Variants in EYA1 observed in about 807,000 individuals in gnomAD.
EYA1 encodes EYA transcriptional coactivator and phosphatase 1.
In EYA1, 16 loss-of-function variants were observed where a neutral mutation model predicts 82.0. That is an observed-to-expected ratio of 0.20 (90% CI 0.13 to 0.30). The LOEUF (loss-of-function observed/expected upper bound fraction) is 0.30, where lower values mean the gene tolerates loss of function less well. EYA1 is among the 10% of genes least tolerant of loss of function. The pLI is 1.00. For missense variants in EYA1, 633 were observed against 730.7 expected, an observed-to-expected ratio of 0.87 and a Z score of 1.54; for synonymous variants, 261 against 264.4, an observed-to-expected ratio of 0.99 and a Z score of 0.12.
chr8:71,391,063 T>G (rs1829252251), intron 2 of EYA1, among the ~76,000 whole-genome samples: 1 of 152,186 alleles, frequency 6.6e-6, no homozygotes, highest in African/African-American at 2.4e-5. Flanking sequence ...AACCTCCACC[T>G]TCCGGGTTCA....
Position 71,214,593 on chromosome 8 carries a change from A to G in EYA1, c.1597+794T>C, listed in dbSNP as rs187586758. Among the ~76,000 whole-genome samples the G allele has an allele frequency of 2.8e-3, 419 of 152,352 alleles. 2 individuals carry two copies. Among genetic ancestry groups the G allele is most frequent in the Admixed American group, 5.8e-3 (89 of 15,300 alleles). ...GTCTGGACCTTGGAATCAGAGAAACATGAGGCTTGAGCCTTGTGTTTGTGA... is the reference window on the plus strand; with the variant it reads ...GTCTGGACCTTGGAATCAGAGAAACGTGAGGCTTGAGCCTTGTGTTTGTGA... On this transcript the variant is annotated intron_variant, in intron 16 of 17. Transcript: ENST00000340726.
chr8:71,420,643 T>C (rs1284117379), intron 2 of EYA1, among the ~76,000 whole-genome samples: 1 of 152,198 alleles, frequency 6.6e-6, no homozygotes, highest in African/African-American at 2.4e-5. Flanking sequence ...AAAAAATTGA[T>C]AGCTGAGTCA....
chr8:71,507,324 T>C (rs1251184110), intron 2 of EYA1, among the ~76,000 whole-genome samples: 1 of 152,200 alleles, frequency 6.6e-6, no homozygotes, highest in Non-Finnish European at 1.5e-5. Context: ...CCACTATGAA[T>C]ACTTCCTTTT....
At chr8:71,526,377 G>A (rs903701133) in intron 2 of EYA1, among the ~76,000 whole-genome samples, 3 of 151,966 alleles carry the variant, frequency 2.0e-5, no homozygotes, top group Non-Finnish European at 4.4e-5. Flanking sequence ...AATTTTAATG[G>A]AAAAATAGGT....
chr8:71,274,592 AATG>A (rs1429081673), intron 9 of EYA1, among the ~76,000 whole-genome samples: 16 of 152,298 alleles, frequency 1.1e-4, no homozygotes, highest in African/African-American at 3.4e-4. Context: ...CATGAAATAT[AATG>A]ATGTAGCAAA....
chr8:71,208,042 G>GGAAACCCTCTAAAGA (rs1808036383), intron 17 of EYA1, among the ~76,000 whole-genome samples: 1 of 152,068 alleles, frequency 6.6e-6, no homozygotes, highest in Non-Finnish European at 1.5e-5. Flanking sequence ...GGAAGTAATT[G>GGAAACCCTCTAAAGA]GAAACCCTCT....
At chr8:71,273,715 A>G (rs1816812669) in intron 9 of EYA1, among the ~76,000 whole-genome samples, 1 of 152,250 alleles carries the variant, frequency 6.6e-6, no homozygotes. Flanking sequence ...TTTTACAACC[A>G]GTACAGTCAC....
intron 2 of EYA1, among the ~76,000 whole-genome samples, chr8:71,378,024 G>A (rs1362153008): frequency 6.6e-6 from 1 of 151,834 alleles, no homozygotes; most frequent in Non-Finnish European, 1.5e-5. Flanking sequence ...GAAACACCAG[G>A]CTCTCTCCAA....
chr8:71,252,977 A>G (rs930582582), intron 11 of EYA1, among the ~76,000 whole-genome samples: 13 of 152,146 alleles, frequency 8.5e-5, no homozygotes, highest in African/African-American at 3.1e-4. Context: ...TTTATCTACA[A>G]ATGTATGCCA....
chr8:71,461,372 C>T (rs1378382661), intron 2 of EYA1, among the ~76,000 whole-genome samples: 2 of 152,150 alleles, frequency 1.3e-5, no homozygotes, highest in Non-Finnish European at 2.9e-5. Flanking sequence ...GCAGGCAGCT[C>T]CAGGTGCCAG....
At chr8:71,362,278 G>C, upstream of EYA1, 1 of 836,524 alleles carries the variant, frequency 1.2e-6, no homozygotes, top group Non-Finnish European at 1.4e-6. Context: ...ACTCAACCTT[G>C]CTGTTTAAAA....
intron 2 of EYA1, among the ~76,000 whole-genome samples, chr8:71,387,601 A>C (rs1393884173): frequency 6.6e-6 from 1 of 152,168 alleles, no homozygotes; most frequent in Admixed American, 6.6e-5. Flanking sequence ...GCTCAGGAAC[A>C]GCAATGCTGA....
intron 2 of EYA1, among the ~76,000 whole-genome samples, chr8:71,535,388 CA>C (rs1397486770): frequency 2.0e-5 from 3 of 151,972 alleles, no homozygotes; most frequent in African/African-American, 7.2e-5. Flanking sequence ...TAAAAGAATC[CA>C]AAAAATTGAC....
At chr8:71,501,930 C>T (rs759641402) in intron 2 of EYA1, among the ~76,000 whole-genome samples, 3 of 152,176 alleles carry the variant, frequency 2.0e-5, no homozygotes, top group Non-Finnish European at 4.4e-5. Flanking sequence ...TATCTTGTCT[C>T]TTTTAACACC....
intron 2 of EYA1, among the ~76,000 whole-genome samples, chr8:71,449,773 C>T (rs960552756): frequency 6.6e-6 from 1 of 152,192 alleles, no homozygotes; most frequent in Non-Finnish European, 1.5e-5. Context: ...GCATCTTCTT[C>T]CACAGGAAGA....
At chr8:71,436,161 A>C (rs1220566403) in intron 2 of EYA1, among the ~76,000 whole-genome samples, 1 of 152,120 alleles carries the variant, frequency 6.6e-6, no homozygotes, top group Non-Finnish European at 1.5e-5. Context: ...ATCTTAAATG[A>C]TATGACATAA....
intron 7 of EYA1, among the ~76,000 whole-genome samples, chr8:71,314,052 A>C (rs1355285012): frequency 6.6e-6 from 1 of 152,218 alleles, no homozygotes; most frequent in Admixed American, 6.5e-5. Context: ...AATATCCCCC[A>C]TATTGCCAAA....
At chr8:71,355,022 T>A in intron 2 of EYA1, 113 bp from the exon 3 acceptor site, 1 of 1,077,902 alleles carries the variant, frequency 9.3e-7, no homozygotes, top group South Asian at 1.3e-5. Context: ...TCCCATTGTA[T>A]CTATTTCTTA....
chr8:71,269,613 A>T, intron 11 of EYA1, 127 bp downstream of exon 11: 1 of 618,700 alleles, frequency 1.6e-6, no homozygotes, highest in Non-Finnish European at 2.8e-6. Context: ...TATATATTTG[A>T]CTATATAGTT....
Sources: gnomAD v4.1 joint callset for allele counts (sites outside exome capture counted in the v4.1 genomes callset) on GRCh38, gnomAD v4.1.1 for gene constraint, MANE v1.5 for transcripts, NCBI Gene and HGNC (gene_info 2026-07-23, HGNC 2026-07-21) for gene names.